Variants in SSBP3 observed in about 807,000 individuals in gnomAD.
The protein encoded by SSBP3 is single stranded DNA binding protein 3.
Under a neutral mutation model 69.6 loss-of-function variants are expected in SSBP3, and 5 were observed. That is an observed-to-expected ratio of 0.07 (90% confidence interval 0.04 to 0.15). The LOEUF is 0.15. Ranked by LOEUF, SSBP3 falls within the 10% of genes least tolerant of loss-of-function variation. The pLI is 1.00. For synonymous variants in SSBP3, 196 were observed against 193.4 expected (o/e 1.01, Z -0.11); for missense variants, 312 against 534.0 (o/e 0.58, Z 4.10).
chr1:54,284,424 T>A (rs1278346831), intron 4 of SSBP3, among the ~76,000 whole-genome samples: 1 of 151,424 alleles, frequency 6.6e-6, no homozygotes, highest in Non-Finnish European at 1.5e-5. Context: ...TTTGATTTTT[T>A]ATATATTGAG....
chr1:54,392,590 A>G (rs910876264), intron 4 of SSBP3, among the ~76,000 whole-genome samples: 1 of 152,230 alleles, frequency 6.6e-6, no homozygotes, highest in Non-Finnish European at 1.5e-5. Flanking sequence ...CACAGCTCAC[A>G]GTTTACAAAC....
At chr1:54,339,724 C>A (rs983377029) in intron 4 of SSBP3, among the ~76,000 whole-genome samples, 2 of 151,832 alleles carry the variant, frequency 1.3e-5, no homozygotes, top group African/African-American at 4.8e-5. Context: ...ACCAGCCTGG[C>A]CAAGATGGCG....
chr1:54,315,016 C>G (rs1399471770), intron 4 of SSBP3, among the ~76,000 whole-genome samples: 1 of 152,170 alleles, frequency 6.6e-6, no homozygotes, highest in East Asian at 1.9e-4. Context: ...TCTGTCACAG[C>G]ATATAGAAAT....
chr1:54,383,154 G>A (rs80020578), intron 4 of SSBP3, among the ~76,000 whole-genome samples: 14,199 of 151,858 alleles, frequency 0.094, 883 homozygotes, highest in East Asian at 0.27. Flanking sequence ...TGGGCGGATT[G>A]TCTGAGCTCA....
chr1:54,332,066 A>G (rs927749550), intron 4 of SSBP3, among the ~76,000 whole-genome samples: 5 of 152,198 alleles, frequency 3.3e-5, no homozygotes, highest in Non-Finnish European at 7.3e-5. Flanking sequence ...CAGGGCTCAG[A>G]AAGGTTGAAG....
chr1:54,233,105 G>A (rs1479812718), intron 14 of SSBP3, among the ~76,000 whole-genome samples: 5 of 150,414 alleles, frequency 3.3e-5, no homozygotes, highest in South Asian at 2.1e-4. Context: ...GAGCGTCTCC[G>A]CCCGGCCGCC....
chr1:54,366,170 T>C (rs1022421875), intron 4 of SSBP3, among the ~76,000 whole-genome samples: 5 of 152,212 alleles, frequency 3.3e-5, no homozygotes, highest in African/African-American at 1.2e-4. Context: ...CAGCTGCTGC[T>C]AACACCCCTC....
intron 4 of SSBP3, among the ~76,000 whole-genome samples, chr1:54,298,827 C>T (rs960159102): frequency 1.3e-5 from 2 of 152,062 alleles, no homozygotes; most frequent in Non-Finnish European, 2.9e-5. Flanking sequence ...AGCAAATACG[C>T]GTCGCCCACT....
At chr1:54,379,014 CA>C (rs1647412087) in intron 4 of SSBP3, among the ~76,000 whole-genome samples, 1 of 152,230 alleles carries the variant, frequency 6.6e-6, no homozygotes, top group Admixed American at 6.5e-5. Flanking sequence ...CTGGCCCCGC[CA>C]CCGCCTGGCC....
intron 5 of SSBP3, among the ~76,000 whole-genome samples, chr1:54,259,290 T>TA (rs201442998): frequency 9.4e-5 from 14 of 148,566 alleles, no homozygotes; most frequent in African/African-American, 2.2e-4. Context: ...TCCGAGGTAA[T>TA]AAAAAAAAAA....
intron 5 of SSBP3, among the ~76,000 whole-genome samples, chr1:54,267,183 G>C (rs566270458): frequency 3.9e-5 from 6 of 152,284 alleles, no homozygotes; most frequent in African/African-American, 1.4e-4. Context: ...GATATGAGAC[G>C]TGACTTTGCC....
At chr1:54,308,224 C>T (rs1176106612) in intron 4 of SSBP3, among the ~76,000 whole-genome samples, 1 of 152,166 alleles carries the variant, frequency 6.6e-6, no homozygotes, top group East Asian at 1.9e-4. Flanking sequence ...GAGGCAGAGG[C>T]AGGCAGATCA....
chr1:54,245,629 G>C (rs1233614555), intron 9 of SSBP3, among the ~76,000 whole-genome samples: 1 of 152,216 alleles, frequency 6.6e-6, no homozygotes, highest in Non-Finnish European at 1.5e-5. Flanking sequence ...GCAACACCAG[G>C]CTGGCTGACA....
At chr1:54,314,142 A>T (rs1428101412) in intron 4 of SSBP3, among the ~76,000 whole-genome samples, 1 of 152,230 alleles carries the variant, frequency 6.6e-6, no homozygotes, top group Non-Finnish European at 1.5e-5. Flanking sequence ...GGGCTTAGCC[A>T]AACAGTTACT....
intron 4 of SSBP3, among the ~76,000 whole-genome samples, chr1:54,393,485 G>C (rs1171932794): frequency 6.6e-6 from 1 of 152,118 alleles, no homozygotes; most frequent in Non-Finnish European, 1.5e-5. Context: ...GGCCGGAGGT[G>C]AGGTAAGAAA....
rs761062692 is a variant in SSBP3, at chr1:54,227,185, G to GGA, written c.1138-26_1138-25insTC. ...ACTGGAAAGGAGAAGCAGAGAAGGG[G>GGA]GGGGGGTGAGGATTGTGGGGAGGCC... is the stretch of plus-strand genomic sequence containing the variant. On this transcript the variant is annotated intron_variant, in intron 17 of 17. Transcript: ENST00000610401. The GGA allele has an allele frequency of 1.2e-3, 1,403 of 1,193,958 alleles. 129 individuals carry two copies. The highest frequency in any genetic ancestry group is 1.6e-3 in the Non-Finnish European group (1,304 of 822,308). The allele number at this position is 1,193,958 out of a possible 1,614,324, so 74.0% of individuals were successfully genotyped here.
At chr1:54,394,658 C>T (rs1430417262) in intron 4 of SSBP3, among the ~76,000 whole-genome samples, 1 of 150,666 alleles carries the variant, frequency 6.6e-6, no homozygotes, top group East Asian at 2.0e-4. Flanking sequence ...CCATGGCTGA[C>T]ACTTCCCTTC....
chr1:54,319,100 G>A (rs988500348), intron 4 of SSBP3, among the ~76,000 whole-genome samples: 2 of 152,138 alleles, frequency 1.3e-5, no homozygotes, highest in African/African-American at 4.8e-5. Flanking sequence ...GAACCAACCA[G>A]CCCTGAGCAC....
At chr1:54,260,998 G>C (rs1008058628) in intron 5 of SSBP3, among the ~76,000 whole-genome samples, 1 of 152,160 alleles carries the variant, frequency 6.6e-6, no homozygotes, top group South Asian at 2.1e-4. Context: ...CCCACCTCTC[G>C]GCACAGAGCC....
Sources: allele counts gnomAD v4.1 joint callset (sites outside exome capture counted in the v4.1 genomes callset), GRCh38; gene constraint gnomAD v4.1.1; transcripts MANE v1.5; gene names NCBI Gene and HGNC (gene_info 2026-07-23, HGNC 2026-07-21).